RBFOX1: variants seen among roughly 807,000 people sequenced by gnomAD.
RBFOX1 encodes RNA binding fox-1 homolog 1.
Under a neutral mutation model 57.7 loss-of-function variants are expected in RBFOX1, and 8 were observed. The observed-to-expected ratio is 0.14, with a 90% CI of 0.08 to 0.25. The LOEUF (loss-of-function observed/expected upper bound fraction) is 0.25, where lower values mean the gene tolerates loss of function less well. Among genes scored for constraint, RBFOX1 ranks in the 10% least tolerant of loss-of-function variants. RBFOX1 has a pLI of 1.00. For synonymous variants in RBFOX1, 326 were observed against 222.4 expected, an observed-to-expected ratio of 1.47 and a Z score of -4.15; for missense variants, 611 against 548.5, an observed-to-expected ratio of 1.11 and a Z score of -1.14.
chr16:6,574,281 T>A (rs145826206), intron 2 of RBFOX1, among the ~76,000 whole-genome samples: 1 of 152,154 alleles, frequency 6.6e-6, no homozygotes, highest in Non-Finnish European at 1.5e-5. Context: ...TGTCAGCTGT[T>A]GCTTTCATGC....
chr16:7,186,214 A>G (rs542955508), intron 4 of RBFOX1, among the ~76,000 whole-genome samples: 45 of 146,226 alleles, frequency 3.1e-4, no homozygotes, highest in Non-Finnish European at 5.4e-4. Context: ...GTGTATATAA[A>G]TATTTATATA....
At chr16:7,390,061 C>T (rs12445461) in intron 4 of RBFOX1, among the ~76,000 whole-genome samples, 9,075 of 152,164 alleles carry the variant, frequency 0.06, 349 homozygotes, top group South Asian at 0.14. Flanking sequence ...GCAAGCACAT[C>T]CTCACATGGC....
At chr16:7,335,296 G>A (rs1410902985) in intron 4 of RBFOX1, among the ~76,000 whole-genome samples, 1 of 152,072 alleles carries the variant, frequency 6.6e-6, no homozygotes, top group Non-Finnish European at 1.5e-5. Context: ...TTCCTCTAGG[G>A]AATTAAGGTT....
intron 2 of RBFOX1, among the ~76,000 whole-genome samples, chr16:6,643,556 C>T (rs2098509398): frequency 6.6e-6 from 1 of 152,160 alleles, no homozygotes; most frequent in African/African-American, 2.4e-5. Flanking sequence ...AAAGCCAGAA[C>T]ACCCTCGTTA....
intron 1 of RBFOX1, among the ~76,000 whole-genome samples, chr16:5,461,020 A>C (rs772130922): frequency 8.5e-5 from 13 of 152,064 alleles, no homozygotes. Context: ...CTGCAGAAAT[A>C]CTTCCTGTCT....
intron 1 of RBFOX1, among the ~76,000 whole-genome samples, chr16:6,235,554 ATGTATGTGTGTG>A (rs2097499448): frequency 1.3e-5 from 1 of 78,246 alleles, no homozygotes; most frequent in Non-Finnish European, 2.7e-5. Flanking sequence ...GTGTGCGTGT[ATGTATGTGTGTG>A]TGTGTGTGTG....
intron 4 of RBFOX1, among the ~76,000 whole-genome samples, chr16:7,509,149 G>C (rs965939214): frequency 6.6e-6 from 1 of 152,148 alleles, no homozygotes; most frequent in African/African-American, 2.4e-5. Context: ...AAAACGATAA[G>C]CCATGAAAAG....
chr16:7,165,387 G>GTAC, intron 4 of RBFOX1, among the ~76,000 whole-genome samples: 1 of 141,200 alleles, frequency 7.1e-6, no homozygotes, highest in East Asian at 2.1e-4. Flanking sequence ...TAACTCTTCT[G>GTAC]TAATAATAAT....
chr16:7,024,938 G>C (rs1202731952), intron 3 of RBFOX1, among the ~76,000 whole-genome samples: 1 of 152,146 alleles, frequency 6.6e-6, no homozygotes, highest in African/African-American at 2.4e-5. Flanking sequence ...CTGAGGCCCA[G>C]AGAGGAACAG....
At chr16:6,073,654 A>G (rs2095862181) in intron 1 of RBFOX1, among the ~76,000 whole-genome samples, 1 of 152,228 alleles carries the variant, frequency 6.6e-6, no homozygotes, top group Non-Finnish European at 1.5e-5. Context: ...GAAAATATTT[A>G]GAATGCATAA....
intron 1 of RBFOX1, among the ~76,000 whole-genome samples, chr16:6,159,982 T>TA (rs1318399961): frequency 6.6e-6 from 1 of 152,162 alleles, no homozygotes; most frequent in African/African-American, 2.4e-5. Context: ...ACCTGAGACT[T>TA]ACTTAAACCT....
chr16:6,387,711 G>T (rs373916965), intron 2 of RBFOX1, among the ~76,000 whole-genome samples: 1 of 152,162 alleles, frequency 6.6e-6, no homozygotes, highest in East Asian at 1.9e-4. Flanking sequence ...TGTTTTGAGG[G>T]TGTATAGTGG....
chr16:5,647,216 T>C (rs1308939994), intron 3 of RBFOX1, among the ~76,000 whole-genome samples: 12 of 152,164 alleles, frequency 7.9e-5, no homozygotes, highest in Non-Finnish European at 2.9e-5. Context: ...CCCAGGTTTA[T>C]GAAGCAAAAC....
intron 3 of RBFOX1, among the ~76,000 whole-genome samples, chr16:6,904,367 C>G (rs1052049016): frequency 6.6e-6 from 1 of 151,688 alleles, no homozygotes; most frequent in African/African-American, 2.4e-5. Flanking sequence ...TTGGAAGGCC[C>G]AGGTGGGAGG....
intron 6 of RBFOX1, among the ~76,000 whole-genome samples, chr16:7,584,445 A>G (rs1314820430): frequency 6.6e-6 from 1 of 152,112 alleles, no homozygotes. Flanking sequence ...GGCTCCTACC[A>G]CCATGACTGG....
chr16:7,218,896 G>C (rs955236242), intron 4 of RBFOX1, among the ~76,000 whole-genome samples: 1 of 152,088 alleles, frequency 6.6e-6, no homozygotes, highest in African/African-American at 2.4e-5. Context: ...CATGCAGTTA[G>C]CATGTTCAGC....
chr16:6,378,887 C>A (rs189109551), intron 2 of RBFOX1, among the ~76,000 whole-genome samples: 1 of 151,880 alleles, frequency 6.6e-6, no homozygotes, highest in African/African-American at 2.4e-5. Context: ...GAGAGGTGGG[C>A]GGAAATGTTG....
At chr16:6,786,862 A>C (rs1299427855) in intron 3 of RBFOX1, among the ~76,000 whole-genome samples, 1 of 151,906 alleles carries the variant, frequency 6.6e-6, no homozygotes, top group African/African-American at 2.4e-5. Flanking sequence ...AGCATATTTC[A>C]GACCAGAAGG....
chr16:5,685,358 G>C (rs578215890), intron 3 of RBFOX1, among the ~76,000 whole-genome samples: 1 of 152,250 alleles, frequency 6.6e-6, no homozygotes, highest in African/African-American at 2.4e-5. Flanking sequence ...ATTTGTCATG[G>C]AGGGGCTCTT....
Sources: allele counts gnomAD v4.1 joint callset (sites outside exome capture counted in the v4.1 genomes callset), GRCh38; gene constraint gnomAD v4.1.1; transcripts MANE v1.5; gene names NCBI Gene and HGNC (gene_info 2026-07-23, HGNC 2026-07-21).